The following NRG1 variants were observed in gnomAD, a reference collection of about 807,000 sequenced individuals.
NRG1 encodes pro-neuregulin-1, membrane-bound isoform.
NRG1 carries 18 observed loss-of-function variants against 63.8 expected under a neutral mutation model. That is an observed-to-expected ratio of 0.28 (90% confidence interval 0.19 to 0.42). The LOEUF is 0.42. Among genes scored for constraint, NRG1 ranks in the 10% least tolerant of loss-of-function variants. The pLI is 1.00. For synonymous variants in NRG1, 302 were observed against 301.3 expected (o/e 1.00, Z -0.02); for missense variants, 762 against 814.7 (o/e 0.94, Z 0.79).
At chr8:32,261,446 C>T (rs555733328) in intron 1 of NRG1, among the ~76,000 whole-genome samples, 15 of 151,776 alleles carry the variant, frequency 9.9e-5, no homozygotes, top group South Asian at 4.2e-4. Flanking sequence ...GAATTCGAAA[C>T]GGAGGCTTTT....
Position 31,655,349 on chromosome 8 carries a change from G to A in NRG1, c.37+15918G>A, listed in dbSNP as rs539275339. 2.6e-5 allele frequency among the ~76,000 whole-genome samples: 4 copies of A among 152,256 alleles called. No homozygotes were observed. In the South Asian group the frequency reaches 8.3e-4, roughly 32 times the overall value. On this transcript the variant is annotated intron_variant, in intron 1 of 10. Transcript: ENST00000519301. ...TAAGCCTCATGAGGGAAAAGTACAAGGTCCCAGCCAGGTGAACATATAACA... is the reference window on the plus strand; with the variant it reads ...TAAGCCTCATGAGGGAAAAGTACAAAGTCCCAGCCAGGTGAACATATAACA...
At chr8:31,728,937 G>T (rs10954811) in intron 1 of NRG1, among the ~76,000 whole-genome samples, 1 of 152,078 alleles carries the variant, frequency 6.6e-6, no homozygotes, top group African/African-American at 2.4e-5. Flanking sequence ...GAAAGATGAT[G>T]TTTTGTCTGT....
At chr8:32,041,570 A>G (rs1490799315) in intron 1 of NRG1, among the ~76,000 whole-genome samples, 2 of 152,190 alleles carry the variant, frequency 1.3e-5, no homozygotes, top group Non-Finnish European at 2.9e-5. Context: ...CACAGGCAGG[A>G]AGAGCTTCAC....
chr8:32,594,083 G>GAAAT, intron 1 of NRG1, among the ~76,000 whole-genome samples: 1 of 152,176 alleles, frequency 6.6e-6, no homozygotes, highest in Non-Finnish European at 1.5e-5. Context: ...AAATTTATTG[G>GAAAT]AAACTTCGTA....
At chr8:31,841,462 T>C (rs13270522) in intron 1 of NRG1, among the ~76,000 whole-genome samples, 21,253 of 152,108 alleles carry the variant, frequency 0.14, 1,629 homozygotes, top group Admixed American at 0.17. Flanking sequence ...CTGCAAGATT[T>C]TTCTGGCAGA....
intron 5 of NRG1, among the ~76,000 whole-genome samples, chr8:32,694,193 AC>A (rs1812628924): frequency 6.6e-6 from 1 of 152,148 alleles, no homozygotes; most frequent in Admixed American, 6.5e-5. Context: ...GTTAAAACTC[AC>A]GTTTTAAAAA....
At chr8:32,110,977 G>C (rs1316121803) in intron 1 of NRG1, among the ~76,000 whole-genome samples, 1 of 152,152 alleles carries the variant, frequency 6.6e-6, no homozygotes, top group East Asian at 1.9e-4. Flanking sequence ...TTTCGAGTAA[G>C]CAACGTTTCC....
chr8:32,281,069 T>C (rs1255881761), intron 1 of NRG1, among the ~76,000 whole-genome samples: 4 of 151,914 alleles, frequency 2.6e-5, no homozygotes, highest in Non-Finnish European at 5.9e-5. Flanking sequence ...TACGTTCAGA[T>C]GGCACATGTG....
intron 1 of NRG1, among the ~76,000 whole-genome samples, chr8:32,214,284 C>G (rs993421128): frequency 6.6e-6 from 1 of 151,974 alleles, no homozygotes; most frequent in Non-Finnish European, 1.5e-5. Context: ...ATTCGGCTAC[C>G]CTACAGGACC....
At chr8:31,990,024 G>A (rs938630165) in intron 1 of NRG1, among the ~76,000 whole-genome samples, 2 of 152,024 alleles carry the variant, frequency 1.3e-5, no homozygotes, top group African/African-American at 4.8e-5. Flanking sequence ...TCATTCTAAT[G>A]CTATCTAACA....
intron 1 of NRG1, among the ~76,000 whole-genome samples, chr8:31,932,581 CT>C (rs1834956176): frequency 6.6e-6 from 1 of 152,142 alleles, no homozygotes; most frequent in South Asian, 2.1e-4. Flanking sequence ...TGTATTTTCT[CT>C]GGTCTTAACT....
intron 1 of NRG1, among the ~76,000 whole-genome samples, chr8:32,100,077 T>G (rs1305741632): frequency 6.6e-6 from 1 of 152,012 alleles, no homozygotes; most frequent in South Asian, 2.1e-4. Flanking sequence ...CTTCCAGCTC[T>G]TCTCCTCCCT....
chr8:31,840,349 C>CTTTTTTTTT (rs71992716), intron 1 of NRG1, among the ~76,000 whole-genome samples: 16 of 116,846 alleles, frequency 1.4e-4, no homozygotes, highest in South Asian at 6.2e-4. Flanking sequence ...TATTCTCTGT[C>CTTTTTTTTT]TTTTTTTTTT....
chr8:32,101,801 A>G (rs1830615501), intron 1 of NRG1, among the ~76,000 whole-genome samples: 1 of 152,202 alleles, frequency 6.6e-6, no homozygotes, highest in African/African-American at 2.4e-5. Context: ...GAAATGCCCT[A>G]TTGTGCATCT....
intron 1 of NRG1, among the ~76,000 whole-genome samples, chr8:32,077,828 TTA>T (rs1826828543): frequency 3.3e-5 from 5 of 152,094 alleles, no homozygotes; most frequent in South Asian, 2.1e-4. Flanking sequence ...TGATTTGTAA[TTA>T]TGGGAAGCTG....
At chr8:31,947,246 G>A (rs1802699863) in intron 1 of NRG1, among the ~76,000 whole-genome samples, 1 of 149,726 alleles carries the variant, frequency 6.7e-6, no homozygotes, top group Non-Finnish European at 1.5e-5. Flanking sequence ...CTTGCAGTGA[G>A]CTGAGATTGC....
chr8:31,914,817 A>G (rs1216231613), intron 1 of NRG1, among the ~76,000 whole-genome samples: 1 of 151,732 alleles, frequency 6.6e-6, no homozygotes, highest in Non-Finnish European at 1.5e-5. Flanking sequence ...TTTATTTTTT[A>G]TGGTAGTTTA....
At position 31,903,340 on chromosome 8, in the gene NRG1, G is replaced by A. The variant is rs369924966; in HGVS notation, c.37+263909G>A. On this transcript the variant is annotated intron_variant, in intron 1 of 10. Coordinates refer to the NRG1 transcript ENST00000519301. ...TTTTTTTTGTATTTTTAGTAGAGAC[G>A]GGATTTCATTGTGTTAGCCAGGTTG... 1.1e-4 allele frequency among the ~76,000 whole-genome samples: 17 copies of A among 151,588 alleles called. 1 individual carries two copies. The highest frequency in any genetic ancestry group is 3.9e-4 in the African/African-American group (16 of 41,382).
chr8:32,087,018 G>A (rs1042961492), intron 1 of NRG1, among the ~76,000 whole-genome samples: 1 of 152,050 alleles, frequency 6.6e-6, no homozygotes, highest in Non-Finnish European at 1.5e-5. Context: ...TACATGCATC[G>A]AATAGCATCT....
Sources: gnomAD v4.1 joint callset for allele counts (sites outside exome capture counted in the v4.1 genomes callset) on GRCh38, gnomAD v4.1.1 for gene constraint, MANE v1.5 for transcripts, NCBI Gene and HGNC (gene_info 2026-07-23, HGNC 2026-07-21) for gene names.